CELF2: variants seen among roughly 807,000 people sequenced by gnomAD.
The protein encoded by CELF2 is CUG triplet repeat RNA-binding protein 2.
A neutral mutation model predicts 62.6 loss-of-function variants in CELF2; 8 were observed. That is an observed-to-expected ratio of 0.13 (90% confidence interval 0.07 to 0.23). CELF2 has a LOEUF of 0.23. CELF2 is among the 10% of genes least tolerant of loss of function. The pLI, the probability that CELF2 is intolerant of heterozygous loss-of-function variation, is 1.00. For synonymous variants in CELF2, 258 were observed against 250.0 expected, an observed-to-expected ratio of 1.03 and a Z score of -0.30; for missense variants, 333 against 671.0, an observed-to-expected ratio of 0.50 and a Z score of 5.56.
chr10:11,062,067 C>T (rs1436459331), intron 1 of CELF2, among the ~76,000 whole-genome samples: 1 of 152,238 alleles, frequency 6.6e-6, no homozygotes, highest in Non-Finnish European at 1.5e-5. Flanking sequence ...CCTCCTCGGC[C>T]TCCCAAAGTG....
At chr10:10,647,316 C>G in the CELF2 span, among the ~76,000 whole-genome samples, 2 of 152,168 alleles carry the variant, frequency 1.3e-5, no homozygotes, top group Admixed American at 6.5e-5. Context: ...TCCTTTGAAC[C>G]CACTGCCCGC....
chr10:10,507,037 A>T, the CELF2 span, among the ~76,000 whole-genome samples: 1 of 152,080 alleles, frequency 6.6e-6, no homozygotes, highest in Non-Finnish European at 1.5e-5. Flanking sequence ...AGACCACATG[A>T]TGGAGATTTG....
chr10:10,954,507 A>G (rs1238913987), intron 2 of CELF2, among the ~76,000 whole-genome samples: 1 of 152,096 alleles, frequency 6.6e-6, no homozygotes, highest in African/African-American at 2.4e-5. Context: ...TGGCCTCCCA[A>G]AGTGCTGGGA....
the CELF2 span, among the ~76,000 whole-genome samples, chr10:10,609,866 T>C: frequency 6.6e-6 from 1 of 152,220 alleles, no homozygotes; most frequent in East Asian, 1.9e-4. Context: ...CTCACAGATA[T>C]GCTTGGAAGA....
intron 2 of CELF2, chr10:10,960,450 A>G (rs1001652337): frequency 6.6e-6 from 1 of 152,238 alleles, no homozygotes; most frequent in African/African-American, 2.4e-5. Flanking sequence ...AGATAGAAAC[A>G]TTTATTAGTT....
At chr10:10,813,663 A>C (rs989533531) in intron 1 of CELF2, among the ~76,000 whole-genome samples, 10 of 152,238 alleles carry the variant, frequency 6.6e-5, no homozygotes, top group African/African-American at 2.2e-4. Context: ...ATGAAAGCAC[A>C]TGGTCTCTAT....
chr10:10,626,898 G>C, the CELF2 span, among the ~76,000 whole-genome samples: 1 of 152,186 alleles, frequency 6.6e-6, no homozygotes, highest in African/African-American at 2.4e-5. Context: ...AGGGCTCAGA[G>C]GATTTTTGTT....
chr10:10,558,993 A>T, the CELF2 span, among the ~76,000 whole-genome samples: 1 of 152,162 alleles, frequency 6.6e-6, no homozygotes, highest in African/African-American at 2.4e-5. Flanking sequence ...AATAATTTTT[A>T]TATTAATATT....
intron 1 of CELF2, among the ~76,000 whole-genome samples, chr10:11,006,568 G>C (rs1169099735): frequency 6.6e-6 from 1 of 152,136 alleles, no homozygotes; most frequent in East Asian, 1.9e-4. Flanking sequence ...TTGCTCATTT[G>C]GTGAACTTAT....
chr10:10,933,746 T>C (rs1329627322), intron 2 of CELF2, among the ~76,000 whole-genome samples: 1 of 152,206 alleles, frequency 6.6e-6, no homozygotes, highest in East Asian at 1.9e-4. Context: ...GCTCTCCAAG[T>C]TCATCCATAT....
intron 1 of CELF2, among the ~76,000 whole-genome samples, chr10:10,898,145 A>G (rs2062692087): frequency 6.6e-6 from 1 of 152,206 alleles, no homozygotes; most frequent in African/African-American, 2.4e-5. Context: ...AGTCTACTGT[A>G]TGCCTGACCC....
the CELF2 span, among the ~76,000 whole-genome samples, chr10:10,789,366 A>G: frequency 6.6e-6 from 1 of 152,038 alleles, no homozygotes; most frequent in Non-Finnish European, 1.5e-5. Context: ...TAGATATGTC[A>G]TATGCATATA....
chr10:11,271,117 C>G (rs1203248191), intron 7 of CELF2, among the ~76,000 whole-genome samples: 1 of 152,156 alleles, frequency 6.6e-6, no homozygotes, highest in Admixed American at 6.5e-5. Flanking sequence ...GATGATGTAA[C>G]GAGAGGGAGG....
chr10:10,740,902 T>C, the CELF2 span, among the ~76,000 whole-genome samples: 2 of 151,720 alleles, frequency 1.3e-5, no homozygotes, highest in African/African-American at 4.9e-5. Context: ...AAACAAGGAG[T>C]ATAGCACTGA....
the CELF2 span, among the ~76,000 whole-genome samples, chr10:10,659,290 A>G: frequency 6.6e-6 from 1 of 152,360 alleles, no homozygotes; most frequent in African/African-American, 2.4e-5. Flanking sequence ...ATCTTCTTCC[A>G]GTAAGATTAG....
At chr10:11,134,863 C>T (rs549294038) in intron 1 of CELF2, among the ~76,000 whole-genome samples, 2 of 152,280 alleles carry the variant, frequency 1.3e-5, no homozygotes, top group Admixed American at 6.5e-5. Flanking sequence ...AGGAGGGGCA[C>T]GTGTCTATCT....
At chr10:11,143,310 A>G (rs2132333363) in intron 1 of CELF2, among the ~76,000 whole-genome samples, 1 of 152,314 alleles carries the variant, frequency 6.6e-6, no homozygotes, top group Non-Finnish European at 1.5e-5. Flanking sequence ...TTTAATCATC[A>G]TGATTCTGGT....
the CELF2 span, among the ~76,000 whole-genome samples, chr10:10,473,420 G>A: frequency 2.0e-5 from 3 of 151,980 alleles, no homozygotes; most frequent in African/African-American, 4.8e-5. Flanking sequence ...GTAGAACTGC[G>A]ATGTGATATA....
the CELF2 span, among the ~76,000 whole-genome samples, chr10:10,735,096 G>GA: frequency 6.6e-6 from 1 of 152,188 alleles, no homozygotes; most frequent in Non-Finnish European, 1.5e-5. Context: ...TTACTTGAAA[G>GA]GACGGTGTGG....
Sources: gnomAD v4.1 joint callset for allele counts (sites outside exome capture counted in the v4.1 genomes callset) on GRCh38, gnomAD v4.1.1 for gene constraint, MANE v1.5 for transcripts, NCBI Gene and HGNC (gene_info 2026-07-23, HGNC 2026-07-21) for gene names.